Variants in JPH3 observed in about 807,000 individuals in gnomAD.
JPH3 encodes the protein junctophilin 3.
A neutral mutation model predicts 59.6 loss-of-function variants in JPH3; 11 were observed. The observed-to-expected ratio is 0.18, with a 90% CI of 0.12 to 0.31. The LOEUF (loss-of-function observed/expected upper bound fraction) is 0.31, where lower values mean the gene tolerates loss of function less well. Ranked by LOEUF, JPH3 falls within the 10% of genes least tolerant of loss-of-function variation. JPH3 has a pLI of 1.00. For missense variants in JPH3, 1,202 were observed against 1,105.7 expected (o/e 1.09, Z -1.24); for synonymous variants, 673 against 483.6 (o/e 1.39, Z -5.14).
intron 2 of JPH3, among the ~76,000 whole-genome samples, chr16:87,646,211 A>C (rs2032145605): frequency 6.6e-6 from 1 of 152,224 alleles, no homozygotes; most frequent in Admixed American, 6.5e-5. Flanking sequence ...TCGCTAATTA[A>C]AGTTCAGCCC....
intron 2 of JPH3, among the ~76,000 whole-genome samples, chr16:87,667,710 G>T (rs952632149): frequency 6.6e-6 from 1 of 152,336 alleles, no homozygotes; most frequent in South Asian, 2.1e-4. Context: ...GCTTCCCCTG[G>T]TGTAGGATCA....
At chr16:87,659,397 A>AAAAAAAAAAAAAAAAAAT (rs2032627087) in intron 2 of JPH3, among the ~76,000 whole-genome samples, 1 of 129,042 alleles carries the variant, frequency 7.7e-6, no homozygotes, top group East Asian at 2.2e-4. Flanking sequence ...GAAAAAAAAA[A>AAAAAAAAAAAAAAAAAAT]AGAAAACTAC....
chr16:87,650,640 A>C (rs1285228226), intron 2 of JPH3, among the ~76,000 whole-genome samples: 1 of 152,250 alleles, frequency 6.6e-6, no homozygotes, highest in Non-Finnish European at 1.5e-5. Context: ...TGAATACATG[A>C]ATGATAAGGG....
At chr16:87,631,006 A>G (rs2031548907) in intron 1 of JPH3, among the ~76,000 whole-genome samples, 1 of 152,190 alleles carries the variant, frequency 6.6e-6, no homozygotes, top group South Asian at 2.1e-4. Flanking sequence ...TGAGTTAGTA[A>G]TTGTCTCGCT....
At chr16:87,627,716 C>T (rs760132244) in intron 1 of JPH3, among the ~76,000 whole-genome samples, 1 of 152,230 alleles carries the variant, frequency 6.6e-6, no homozygotes, top group South Asian at 2.1e-4. Flanking sequence ...AAGTCAAGGA[C>T]TTCTGTCTGG....
chr16:87,622,458 T>G (rs1030957176), intron 1 of JPH3, among the ~76,000 whole-genome samples: 1 of 152,172 alleles, frequency 6.6e-6, no homozygotes, highest in African/African-American at 2.4e-5. Flanking sequence ...CCAGGTGCTG[T>G]GGCCCTTGGC....
At chr16:87,609,626 T>C (rs1356446228) in intron 1 of JPH3, among the ~76,000 whole-genome samples, 1 of 152,192 alleles carries the variant, frequency 6.6e-6, no homozygotes, top group Admixed American at 6.5e-5. Flanking sequence ...ATTCCTGCCA[T>C]AGGATATGTG....
In JPH3 at chr16:87,644,691, G is replaced by C. The variant is rs142310848; in HGVS notation, c.816G>C (p.Glu272Asp). ...TCAGCCTGGGCGAGGCTGAGGCCGA[G>C]CTGGCGGTCATCGAGGACGACATCG... ...STISLGEAEA[E>D]LAVIEDDIDA... Residue 272 changes from glutamate to aspartate, a missense_variant, in exon 2 of 5, where the codon GAG becomes GAC. By Grantham distance (45) the Glu-to-Asp change is conservative. Coordinates refer to ENST00000284262, the MANE Select transcript of JPH3 (RefSeq NM_020655.4). 3.1e-6 allele frequency: 5 copies of C among 1,612,090 alleles called. No individual in the cohort carries two copies. In the African/African-American group the frequency reaches 5.3e-5, roughly 17 times the overall value.
intron 4 of JPH3, among the ~76,000 whole-genome samples, chr16:87,692,579 T>C (rs2033623844): frequency 8.8e-6 from 1 of 113,094 alleles, no homozygotes; most frequent in South Asian, 3.0e-4. Flanking sequence ...GGGCCTGGGA[T>C]TCTAGCCCAC....
At chr16:87,613,606 C>G (rs2030820988) in intron 1 of JPH3, among the ~76,000 whole-genome samples, 1 of 152,166 alleles carries the variant, frequency 6.6e-6, no homozygotes, top group South Asian at 2.1e-4. Flanking sequence ...CAGGTGTGAG[C>G]CACCTAGCCC....
intron 4 of JPH3, chr16:87,695,295 T>G: frequency 2.2e-6 from 1 of 455,940 alleles, no homozygotes; most frequent in Non-Finnish European, 4.4e-6. Flanking sequence ...GAGGCCAGAC[T>G]TGGGGGCTTA....
intron 2 of JPH3, among the ~76,000 whole-genome samples, chr16:87,661,878 T>C (rs1390946411): frequency 6.6e-6 from 1 of 152,196 alleles, no homozygotes; most frequent in African/African-American, 2.4e-5. Flanking sequence ...GCAGGAAGCC[T>C]GGGGTATTTC....
chr16:87,667,042 C>T (rs564668415), intron 2 of JPH3, among the ~76,000 whole-genome samples: 3 of 152,242 alleles, frequency 2.0e-5, no homozygotes, highest in Non-Finnish European at 2.9e-5. Flanking sequence ...AAGCTCGAGA[C>T]GAGGGTGTGG....
chr16:87,638,712 C>G (rs1567593032), intron 1 of JPH3, among the ~76,000 whole-genome samples: 1 of 152,100 alleles, frequency 6.6e-6, no homozygotes, highest in Non-Finnish European at 1.5e-5. Context: ...CCTCTGGTCT[C>G]CATGTCTGTA....
chr16:87,606,987 C>G (rs1052458212), intron 1 of JPH3, among the ~76,000 whole-genome samples: 3 of 152,168 alleles, frequency 2.0e-5, no homozygotes, highest in African/African-American at 7.2e-5. Flanking sequence ...TGGGAGGAAC[C>G]AGCAGGCGTC....
intron 2 of JPH3, among the ~76,000 whole-genome samples, chr16:87,681,856 C>T (rs1197748170): frequency 6.6e-6 from 1 of 152,186 alleles, no homozygotes; most frequent in African/African-American, 2.4e-5. Flanking sequence ...GATGCAGTGT[C>T]CTGGGTGCTG....
chr16:87,613,896 T>A (rs2030832643), intron 1 of JPH3, among the ~76,000 whole-genome samples: 1 of 152,200 alleles, frequency 6.6e-6, no homozygotes, highest in Non-Finnish European at 1.5e-5. Context: ...AAGGTGAGGC[T>A]CACAGGGTCA....
In JPH3 at chr16:87,603,089, G is replaced by T; in HGVS notation, c.-58G>T. Reference sequence around the variant, plus strand: ...GGCCGCCGGCGGCCGCGACTCTGCTGTGTCGATCGCCTGAGTCCGTTTTCA... The same window carrying T: ...GGCCGCCGGCGGCCGCGACTCTGCTTTGTCGATCGCCTGAGTCCGTTTTCA... On this transcript the variant is annotated 5_prime_UTR_variant, in exon 1 of 5. Coordinates refer to ENST00000284262, the MANE Select transcript of JPH3 (RefSeq NM_020655.4). 2.5e-6 allele frequency: 4 copies of T among 1,611,494 alleles called. No individual in the cohort carries two copies. Among genetic ancestry groups the T allele is most frequent in the African/African-American group, 1.3e-5 (1 of 75,008 alleles).
In JPH3 at chr16:87,602,965, G is replaced by C; in HGVS notation, c.-182G>C. The C allele has an allele frequency of 1.7e-6, 1 of 594,832 alleles. No homozygotes were observed. Among genetic ancestry groups the C allele is most frequent in the Non-Finnish European group, 2.8e-6 (1 of 352,352 alleles). 36.8% of individuals were successfully genotyped at this position (594,832 alleles called of 1,614,324 possible). The stretch of plus-strand genomic sequence containing the variant: ...CGAAAAGGAATAATCGCCCCCGATT[G>C]ACTGAAATTCCTCCGGAGCCGGCGC... On this transcript the variant is annotated 5_prime_UTR_variant, in exon 1 of 5. Transcript: ENST00000284262.
Sources: gnomAD v4.1 joint callset for allele counts (sites outside exome capture counted in the v4.1 genomes callset) on GRCh38, gnomAD v4.1.1 for gene constraint, MANE v1.5 for transcripts, NCBI Gene and HGNC (gene_info 2026-07-23, HGNC 2026-07-21) for gene names.